The following ERICH6 variants were observed in gnomAD, a reference collection of about 807,000 sequenced individuals.
ERICH6 encodes glutamate rich 6, also known as glutamate-rich protein 6.
ERICH6 carries 71 observed loss-of-function variants against 71.0 expected under a neutral mutation model. The ratio of observed to expected loss-of-function variants is 1.00; its 90% CI spans 0.83 to 1.22. ERICH6 has a LOEUF of 1.22. ERICH6 is among the 50% of genes most tolerant of loss of function. The pLI is 0.00. For synonymous variants in ERICH6, 262 were observed against 278.4 expected, an observed-to-expected ratio of 0.94 and a Z score of 0.59; for missense variants, 808 against 797.2, an observed-to-expected ratio of 1.01 and a Z score of -0.16.
At chr3:150,700,971 T>C (rs1712848832) in intron 2 of ERICH6, among the ~76,000 whole-genome samples, 2 of 152,226 alleles carry the variant, frequency 1.3e-5, no homozygotes, top group Admixed American at 6.5e-5. Context: ...TTTGTCAACA[T>C]AGAAGTGTTA....
chr3:150,682,413 T>C, intron 6 of ERICH6, 97 bp from the exon 7 acceptor site: 1 of 838,488 alleles, frequency 1.2e-6, no homozygotes, highest in South Asian at 1.5e-5. Flanking sequence ...GGTCAGTGAA[T>C]GGAACAGCAG....
chr3:150,680,632 G>T, intron 8 of ERICH6, 94 bp from the exon 9 acceptor site: 1 of 1,572,686 alleles, frequency 6.4e-7, no homozygotes, highest in South Asian at 1.1e-5. Context: ...TGCCATCCTT[G>T]TCTGTTTGAT....
At chr3:150,695,689 C>T (rs1327547483) in intron 3 of ERICH6, among the ~76,000 whole-genome samples, 2 of 151,260 alleles carry the variant, frequency 1.3e-5, no homozygotes, top group African/African-American at 4.8e-5. Flanking sequence ...AAAAAAAGAC[C>T]CCAATGGTTG....
chr3:150,672,228 G>A (rs1317379519), intron 11 of ERICH6, among the ~76,000 whole-genome samples: 1 of 116,912 alleles, frequency 8.6e-6, no homozygotes, highest in African/African-American at 3.4e-5. Context: ...AAAGGAGTCA[G>A]AAAATATGAA....
At chr3:150,664,748 TAGA>T (rs748924386) in intron 13 of ERICH6, among the ~76,000 whole-genome samples, 1 of 151,936 alleles carries the variant, frequency 6.6e-6, no homozygotes, top group Non-Finnish European at 1.5e-5. Context: ...GGAGTTAGAA[TAGA>T]AGAAGAAATA....
intron 1 of ERICH6, 41 bp downstream of exon 1, chr3:150,703,455 G>C: frequency 6.6e-7 from 1 of 1,519,684 alleles, no homozygotes. Context: ...GCCCCCTGGA[G>C]ACGAGAAACC....
chr3:150,694,540 T>C (rs1358510897), intron 3 of ERICH6, among the ~76,000 whole-genome samples: 2 of 152,202 alleles, frequency 1.3e-5, no homozygotes, highest in Non-Finnish European at 2.9e-5. Flanking sequence ...AATTGACTAT[T>C]CCCCTACCTG....
intron 11 of ERICH6, among the ~76,000 whole-genome samples, chr3:150,672,145 GA>G (rs376075319): frequency 2.0e-5 from 3 of 150,886 alleles, no homozygotes; most frequent in African/African-American, 4.9e-5. Context: ...GTTTTTTGGG[GA>G]AAAAATGTGT....
At chr3:150,685,700 AT>A (rs761084103) in intron 6 of ERICH6, 41 bp downstream of exon 6, 17 of 1,444,456 alleles carry the variant, frequency 1.2e-5, no homozygotes, top group Middle Eastern at 1.8e-4. Flanking sequence ...TTCTTATGTC[AT>A]TTTTTTAAGA....
At chr3:150,695,653 C>T (rs1464829229) in intron 3 of ERICH6, among the ~76,000 whole-genome samples, 39 of 151,912 alleles carry the variant, frequency 2.6e-4, no homozygotes, top group African/African-American at 9.2e-4. Context: ...GGCGACAGAG[C>T]GAGACTTCGT....
Position 150,678,573 on chromosome 3 carries a change from C to G in ERICH6, c.1112-19G>C. On this transcript the variant is annotated intron_variant, in intron 9 of 13. Transcript: ENST00000295910. The stretch of plus-strand genomic sequence containing the variant: ...TTTGAATCTAGTGGGAAAAGAATCA[C>G]ATAGAAATACATATATGTTTTAAAT... 6.4e-7 allele frequency: 1 copy of G among 1,561,062 alleles called. No individual in the cohort carries two copies.
intron 13 of ERICH6, among the ~76,000 whole-genome samples, chr3:150,663,305 T>A (rs1727287996): frequency 6.6e-6 from 1 of 152,124 alleles, no homozygotes; most frequent in Non-Finnish European, 1.5e-5. Context: ...AGTTTACAGA[T>A]GAGTTGGTAT....
intron 6 of ERICH6, 143 bp from the exon 7 acceptor site, chr3:150,682,459 C>T: frequency 1.6e-6 from 1 of 617,172 alleles, no homozygotes; most frequent in East Asian, 2.8e-5. Context: ...ATATCACTTC[C>T]ATTTAAGGGC....
intron 2 of ERICH6, among the ~76,000 whole-genome samples, chr3:150,699,118 C>T (rs1712763402): frequency 6.6e-6 from 1 of 151,850 alleles, no homozygotes; most frequent in Admixed American, 6.6e-5. Flanking sequence ...CAAGACCAGC[C>T]TAGGCAGCAT....
At chr3:150,662,367 G>T (rs1006574329) in intron 13 of ERICH6, among the ~76,000 whole-genome samples, 25 of 152,058 alleles carry the variant, frequency 1.6e-4, no homozygotes, top group African/African-American at 6.0e-4. Flanking sequence ...AACCATTTTG[G>T]GAAACTTTCA....
chr3:150,671,078 A>C (rs1711499851), intron 11 of ERICH6, among the ~76,000 whole-genome samples: 1 of 152,118 alleles, frequency 6.6e-6, no homozygotes. Context: ...TAGGCAACAT[A>C]ATAGGATTCT....
chr3:150,690,103 C>G (rs149117606), intron 3 of ERICH6, among the ~76,000 whole-genome samples: 1 of 152,138 alleles, frequency 6.6e-6, no homozygotes, highest in Non-Finnish European at 1.5e-5. Flanking sequence ...ACCTAGGATT[C>G]GGCATGGGCT....
intron 13 of ERICH6, among the ~76,000 whole-genome samples, chr3:150,661,571 A>G (rs1337892096): frequency 1.3e-5 from 2 of 152,352 alleles, no homozygotes; most frequent in South Asian, 2.1e-4. Context: ...TAGGAAATAT[A>G]TCCATATTTA....
chr3:150,676,966 C>T (rs951105760), intron 10 of ERICH6, among the ~76,000 whole-genome samples: 1 of 151,902 alleles, frequency 6.6e-6, no homozygotes, highest in Non-Finnish European at 1.5e-5. Flanking sequence ...GTGCCTGCCA[C>T]CTTACCTGGC....
Sources: gnomAD v4.1 joint callset for allele counts (sites outside exome capture counted in the v4.1 genomes callset) on GRCh38, gnomAD v4.1.1 for gene constraint, MANE v1.5 for transcripts, NCBI Gene and HGNC (gene_info 2026-07-23, HGNC 2026-07-21) for gene names.